Variants in MAML2 observed in about 807,000 individuals in gnomAD.
MAML2 encodes mastermind-like protein 2.
In MAML2, 22 loss-of-function variants were observed where a neutral mutation model predicts 96.1. The ratio of observed to expected loss-of-function variants is 0.23; its 90% CI spans 0.16 to 0.33. MAML2 has a LOEUF of 0.33. MAML2 is among the 10% of genes least tolerant of loss of function. The probability of loss-of-function intolerance (pLI) is 1.00; values close to 1 mark genes in which losing one functional copy is unlikely to be tolerated. For synonymous variants in MAML2, 561 were observed against 521.3 expected (o/e 1.08, Z -1.04); for missense variants, 1,367 against 1,392.4 (o/e 0.98, Z 0.29).
chr11:96,138,919 G>C (rs514034), intron 1 of MAML2, among the ~76,000 whole-genome samples: 74,921 of 151,916 alleles, frequency 0.49, 19,191 homozygotes, highest in East Asian at 0.79. Context: ...TAAAATGCTG[G>C]TAAGAAAGAG....
At chr11:95,982,105 A>G (rs947298423) in intron 4 of MAML2, among the ~76,000 whole-genome samples, 16 of 152,214 alleles carry the variant, frequency 1.1e-4, no homozygotes, top group African/African-American at 3.9e-4. Context: ...ATGATTTTAA[A>G]AAGAGTTTGT....
intron 1 of MAML2, among the ~76,000 whole-genome samples, chr11:96,227,979 G>A (rs1404978751): frequency 2.0e-5 from 3 of 152,194 alleles, no homozygotes. Flanking sequence ...GTGCACACCT[G>A]TAGTCCCAGC....
At chr11:96,104,442 G>A (rs184044411) in intron 1 of MAML2, among the ~76,000 whole-genome samples, 333 of 152,244 alleles carry the variant, frequency 2.2e-3, no homozygotes, top group African/African-American at 7.8e-3. Flanking sequence ...AATTAAGACT[G>A]AAATGAACAT....
intron 1 of MAML2, among the ~76,000 whole-genome samples, chr11:96,252,056 C>A (rs117778444): frequency 4.6e-3 from 699 of 152,204 alleles, no homozygotes; most frequent in South Asian, 8.3e-3. Flanking sequence ...CAACACCAGA[C>A]GGAGTAGCAA....
Position 96,092,072 on chromosome 11 carries a change from T to G in MAML2, c.1959A>C (p.Gln653His). The G allele has an allele frequency of 6.5e-7, 1 of 1,549,326 alleles. No individual in the cohort carries two copies. The highest frequency in any genetic ancestry group is 8.7e-7 in the Non-Finnish European group (1 of 1,146,572). ...GCTGCTGCTGCTGTTGTTGCTGTTG[T>G]TGTTGCTGCTGCTGCTGCTGTTGTT... is the stretch of plus-strand genomic sequence containing the variant. The part of the protein sequence containing the change: ...QQQQQQQQQQ[Q>H]QQQQQQQQQQ... Residue 653 changes from glutamine to histidine, a missense_variant, in exon 2 of 5, where the codon CAA (glutamine) becomes CAC (histidine). Coordinates refer to ENST00000524717, the MANE Select transcript of MAML2 (RefSeq NM_032427.4). The surrounding 1 kb of genome is among the most constrained non-coding windows in gnomAD (Gnocchi z 4.1).
intron 1 of MAML2, among the ~76,000 whole-genome samples, chr11:96,106,648 T>C (rs1565216476): frequency 6.6e-6 from 1 of 152,224 alleles, no homozygotes. Flanking sequence ...AGCACAGCCT[T>C]AACTCAGTGA....
intron 1 of MAML2, among the ~76,000 whole-genome samples, chr11:96,326,895 G>A (rs74471063): frequency 0.025 from 3,876 of 152,286 alleles, 154 homozygotes; most frequent in African/African-American, 0.089. Context: ...ACTAGGGCTT[G>A]GAATACTTAT....
intron 1 of MAML2, among the ~76,000 whole-genome samples, chr11:96,290,429 A>G (rs779083176): frequency 6.6e-6 from 1 of 152,166 alleles, no homozygotes; most frequent in Non-Finnish European, 1.5e-5. Context: ...TGCTTCTTCT[A>G]TGTGATTGAG....
chr11:96,169,618 G>A (rs533988946), intron 1 of MAML2, among the ~76,000 whole-genome samples: 1 of 152,106 alleles, frequency 6.6e-6, no homozygotes, highest in African/African-American at 2.4e-5. Context: ...TGTTATGCCA[G>A]CAGAATGGGG....
At chr11:96,066,353 G>A (rs1463601300) in intron 2 of MAML2, among the ~76,000 whole-genome samples, 6 of 152,214 alleles carry the variant, frequency 3.9e-5, no homozygotes, top group Non-Finnish European at 7.3e-5. Flanking sequence ...TCCAGGGGAG[G>A]ACAGAAGCTC....
At chr11:96,066,702 A>G (rs11822780) in intron 2 of MAML2, among the ~76,000 whole-genome samples, 2,931 of 152,310 alleles carry the variant, frequency 0.019, 102 homozygotes, top group African/African-American at 0.067. Flanking sequence ...TTGAGGTGCT[A>G]GGAATATGAC....
At chr11:96,332,938 G>T (rs139607986) in intron 1 of MAML2, among the ~76,000 whole-genome samples, 6 of 152,314 alleles carry the variant, frequency 3.9e-5, no homozygotes, top group African/African-American at 7.2e-5. Flanking sequence ...AAGAGATACT[G>T]TGTATCCAAC....
At chr11:96,143,802 G>C (rs1231756580) in intron 1 of MAML2, among the ~76,000 whole-genome samples, 1 of 152,208 alleles carries the variant, frequency 6.6e-6, no homozygotes, top group African/African-American at 2.4e-5. Flanking sequence ...CCCTCTGAAA[G>C]AACAGAAGCC....
In MAML2 at chr11:95,978,859, C is replaced by T; in HGVS notation, c.*89G>A. On this transcript the variant is annotated 3_prime_UTR_variant, in exon 5 of 5. Transcript: ENST00000524717. ...AGCATGTTATCTTCATGTAGTCCAC[C>T]TGAACATCAACAGTTCAGCCTCTAC... 1 of 1,181,804 alleles carries T rather than the reference C, an allele frequency of 8.5e-7. No individual in the cohort carries two copies. Among genetic ancestry groups the T allele is most frequent in the Non-Finnish European group, 1.2e-6 (1 of 859,380 alleles). The allele number at this position is 1,181,804 out of a possible 1,614,324, so 73.2% of individuals were successfully genotyped here. A position where few individuals can be genotyped will look rare whatever the true frequency, so the allele number is the denominator to read the frequency against.
intron 1 of MAML2, among the ~76,000 whole-genome samples, chr11:96,293,087 T>C (rs1460011914): frequency 6.6e-6 from 1 of 152,220 alleles, no homozygotes; most frequent in African/African-American, 2.4e-5. Flanking sequence ...ATCTTAGACA[T>C]GCATACATTT....
intron 1 of MAML2, among the ~76,000 whole-genome samples, chr11:96,198,605 A>C (rs1488157341): frequency 6.6e-6 from 1 of 152,140 alleles, no homozygotes; most frequent in East Asian, 1.9e-4. Context: ...TGGCTCCTGA[A>C]ACTGAAAAAC....
intron 1 of MAML2, among the ~76,000 whole-genome samples, chr11:96,117,623 T>C (rs772231677): frequency 6.6e-6 from 1 of 152,110 alleles, no homozygotes; most frequent in Non-Finnish European, 1.5e-5. Context: ...CTGAGAAAAG[T>C]ATTGCAGCAA....
chr11:96,138,290 C>T (rs545930139), intron 1 of MAML2, among the ~76,000 whole-genome samples: 1 of 152,304 alleles, frequency 6.6e-6, no homozygotes, highest in South Asian at 2.1e-4. Context: ...CTTTGTCTCC[C>T]TCTTCAAGTA....
chr11:96,172,301 G>A (rs1206975257), intron 1 of MAML2, among the ~76,000 whole-genome samples: 2 of 152,182 alleles, frequency 1.3e-5, no homozygotes, highest in East Asian at 3.8e-4. Context: ...CAAAGCAAAA[G>A]TGGATACTAA....
Sources: allele counts gnomAD v4.1 joint callset (sites outside exome capture counted in the v4.1 genomes callset), GRCh38; gene constraint gnomAD v4.1.1; non-coding constraint Gnocchi (gnomAD v3.1); transcripts MANE v1.5; gene names NCBI Gene and HGNC (gene_info 2026-07-23, HGNC 2026-07-21).